The following GHR variants were observed in gnomAD, a reference collection of about 807,000 sequenced individuals.
GHR encodes GH receptor.
GHR carries 35 observed loss-of-function variants against 67.1 expected under a neutral mutation model. The ratio of observed to expected loss-of-function variants is 0.52; its 90% CI spans 0.40 to 0.69. The LOEUF is 0.69. Ranked by LOEUF, GHR falls within the 30% of genes least tolerant of loss-of-function variation. The probability of loss-of-function intolerance (pLI) is 0.00; values close to 1 mark genes in which losing one functional copy is unlikely to be tolerated. For synonymous variants in GHR, 272 were observed against 269.1 expected (o/e 1.01, Z -0.10); for missense variants, 792 against 764.6 (o/e 1.04, Z -0.42).
At chr5:42,670,527 C>T (rs1756221455) in intron 3 of GHR, among the ~76,000 whole-genome samples, 1 of 152,052 alleles carries the variant, frequency 6.6e-6, no homozygotes, top group Admixed American at 6.6e-5. Flanking sequence ...AATGGCATTG[C>T]ATCAGACTAA....
At chr5:42,511,913 A>G (rs148013475) in intron 1 of GHR, among the ~76,000 whole-genome samples, 274 of 152,342 alleles carry the variant, frequency 1.8e-3, no homozygotes, top group Middle Eastern at 3.4e-3. Context: ...CTCTATCATC[A>G]TAACCACTCC....
Position 42,423,823 on chromosome 5 carries a change from CGGCGGCGGCTGCTGCTGAGCCCG to C in GHR, c.-134_-112del, listed in dbSNP as rs1442685882. Reference sequence around the variant, plus strand: ...GCAGCAGCTGCTACAGTGGCGGTGGCGGCGGCGGCTGCTGCTGAGCCCGGGCGGCGGCGGGGACCCCGGGCTGG... The same window carrying C: ...GCAGCAGCTGCTACAGTGGCGGTGGCGGCGGCGGCGGGGACCCCGGGCTGG... On this transcript the variant is annotated 5_prime_UTR_variant, in exon 1 of 10. It removes the in-frame stop codon of an upstream open reading frame in the 5' UTR. Coordinates refer to ENST00000230882, the MANE Select transcript of GHR (RefSeq NM_000163.5). 6.1e-6 allele frequency: 1 copy of C among 163,900 alleles called. No homozygotes were observed. The highest frequency in any genetic ancestry group is 6.5e-5 in the Admixed American group (1 of 15,340). 10.2% of individuals were successfully genotyped at this position (163,900 alleles called of 1,614,324 possible). A position where few individuals can be genotyped will look rare whatever the true frequency, so the allele number is the denominator to read the frequency against.
intron 3 of GHR, among the ~76,000 whole-genome samples, chr5:42,644,388 C>G (rs1040220350): frequency 1.3e-5 from 2 of 152,038 alleles, no homozygotes; most frequent in South Asian, 4.1e-4. Flanking sequence ...TTTTTAAAGT[C>G]TTTAAGATTG....
intron 1 of GHR, among the ~76,000 whole-genome samples, chr5:42,542,986 T>C (rs888127522): frequency 6.6e-6 from 1 of 152,144 alleles, no homozygotes; most frequent in Non-Finnish European, 1.5e-5. Context: ...TATGGCTGAG[T>C]AGTATTCCAT....
intron 1 of GHR, among the ~76,000 whole-genome samples, chr5:42,436,789 T>C (rs1238655301): frequency 6.6e-6 from 1 of 152,224 alleles, no homozygotes; most frequent in African/African-American, 2.4e-5. Flanking sequence ...TTGACTAATC[T>C]TTATGTTTTG....
intron 3 of GHR, among the ~76,000 whole-genome samples, chr5:42,658,487 G>A (rs1057306881): frequency 1.3e-5 from 2 of 152,150 alleles, no homozygotes; most frequent in Admixed American, 6.5e-5. Flanking sequence ...CAAAGTAGGA[G>A]CTCAATCAAT....
intron 3 of GHR, among the ~76,000 whole-genome samples, chr5:42,632,084 T>C (rs1006476132): frequency 6.6e-6 from 1 of 152,154 alleles, no homozygotes; most frequent in Non-Finnish European, 1.5e-5. Context: ...TTTCTTATGT[T>C]CTAAGTAAAT....
At chr5:42,574,469 G>A (rs938182402) in intron 2 of GHR, among the ~76,000 whole-genome samples, 15 of 152,338 alleles carry the variant, frequency 9.8e-5, no homozygotes, top group African/African-American at 3.4e-4. Flanking sequence ...AGACTGAATA[G>A]TTTCTAAGAG....
chr5:42,438,925 G>A (rs1156679899), intron 1 of GHR, among the ~76,000 whole-genome samples: 1 of 152,170 alleles, frequency 6.6e-6, no homozygotes, highest in East Asian at 1.9e-4. Context: ...ACTGCCAAGT[G>A]TTTGATTAAT....
chr5:42,455,942 A>G (rs1744240917), intron 1 of GHR, among the ~76,000 whole-genome samples: 1 of 152,198 alleles, frequency 6.6e-6, no homozygotes, highest in South Asian at 2.1e-4. Flanking sequence ...TTCCTCATCT[A>G]CAGAATAGGT....
chr5:42,551,006 G>T (rs1376050665), intron 1 of GHR, among the ~76,000 whole-genome samples: 1 of 152,140 alleles, frequency 6.6e-6, no homozygotes, highest in South Asian at 2.1e-4. Flanking sequence ...TGGTGGTCTG[G>T]ATGTTCCTGA....
intron 3 of GHR, among the ~76,000 whole-genome samples, chr5:42,673,911 G>A (rs961293898): frequency 1.3e-5 from 2 of 152,090 alleles, no homozygotes; most frequent in Non-Finnish European, 1.5e-5. Context: ...TTTGTTCCCT[G>A]AATCTAAAAT....
chr5:42,485,044 A>G (rs950783635), intron 1 of GHR, among the ~76,000 whole-genome samples: 5 of 152,188 alleles, frequency 3.3e-5, no homozygotes, highest in Admixed American at 6.5e-5. Flanking sequence ...TGAACTACAT[A>G]CTGAAAAATG....
At chr5:42,443,572 A>G (rs971143802) in intron 1 of GHR, among the ~76,000 whole-genome samples, 1 of 152,150 alleles carries the variant, frequency 6.6e-6, no homozygotes, top group Non-Finnish European at 1.5e-5. Context: ...GGCATGTTTC[A>G]CCAATGTATT....
At chr5:42,609,396 C>A (rs1401277352) in intron 2 of GHR, among the ~76,000 whole-genome samples, 1 of 152,128 alleles carries the variant, frequency 6.6e-6, no homozygotes, top group African/African-American at 2.4e-5. Context: ...GAGTGTGGAG[C>A]AACAAATGGG....
chr5:42,518,126 G>T (rs1489592520), intron 1 of GHR, among the ~76,000 whole-genome samples: 3 of 148,980 alleles, frequency 2.0e-5, no homozygotes, highest in African/African-American at 4.9e-5. Context: ...TTGAATTCAT[G>T]ATTCTAATAA....
intron 2 of GHR, among the ~76,000 whole-genome samples, chr5:42,593,206 T>G (rs1751883550): frequency 1.3e-5 from 2 of 152,234 alleles, no homozygotes; most frequent in African/African-American, 4.8e-5. Context: ...TGCAAATGCC[T>G]TGTGTCACGT....
rs1025509037 is a variant in GHR at position 42,424,651 on chromosome 5, G to A, written c.-12+696G>A. 1.6e-5 allele frequency: 24 copies of A among 1,484,794 alleles called. No individual in the cohort carries two copies. The highest frequency in any genetic ancestry group is 2.2e-5 in the Non-Finnish European group (24 of 1,100,648). 92.0% of individuals were successfully genotyped at this position (1,484,794 alleles called of 1,614,324 possible). On this transcript the variant is annotated intron_variant, in intron 1 of 9. Coordinates refer to ENST00000230882, the MANE Select transcript of GHR (RefSeq NM_000163.5). The surrounding 1 kb of genome is among the most constrained non-coding windows in gnomAD (Gnocchi z 4.1). Reference sequence around the variant, plus strand: ...TCCCCCAGCTTTTGACACACTAGTGGTTGTAAAATCAACCAGGCTTAAAGT... The same window carrying A: ...TCCCCCAGCTTTTGACACACTAGTGATTGTAAAATCAACCAGGCTTAAAGT...
chr5:42,675,728 G>A (rs1256219332), intron 3 of GHR, among the ~76,000 whole-genome samples: 1 of 152,186 alleles, frequency 6.6e-6, no homozygotes, highest in Non-Finnish European at 1.5e-5. Flanking sequence ...AATGCCAATA[G>A]TAGTATATGT....
Sources: gnomAD v4.1 joint callset for allele counts (sites outside exome capture counted in the v4.1 genomes callset) on GRCh38, gnomAD v4.1.1 for gene constraint, Gnocchi (gnomAD v3.1) non-coding constraint, MANE v1.5 for transcripts, NCBI Gene and HGNC (gene_info 2026-07-23, HGNC 2026-07-21) for gene names.